KCNJ4: variants seen among roughly 807,000 people sequenced by gnomAD.
KCNJ4 encodes the protein potassium inwardly rectifying channel subfamily J member 4.
KCNJ4 carries 3 observed loss-of-function variants against 25.6 expected under a neutral mutation model. The observed-to-expected ratio is 0.12, with a 90% CI of 0.05 to 0.30. The LOEUF (loss-of-function observed/expected upper bound fraction) is 0.30. KCNJ4 is among the 10% of genes least tolerant of loss of function. The pLI is 1.00. For synonymous variants in KCNJ4, 257 were observed against 283.9 expected (o/e 0.91, Z 0.95); for missense variants, 286 against 666.8 (o/e 0.43, Z 6.29).
intron 1 of KCNJ4, among the ~76,000 whole-genome samples, chr22:38,453,987 T>C (rs196096): frequency 0.23 from 34,760 of 152,124 alleles, 5,332 homozygotes; most frequent in African/African-American, 0.44. Flanking sequence ...AGGGCCACAG[T>C]GAGGCTCTTG....
At position 38,438,613 on chromosome 22, in the gene KCNJ4, C is replaced by T. The variant is rs543296975; in HGVS notation, c.-39-10442G>A. ...CTGAGGCATGAGAATCGCTTGAATC[C>T]GGGAGGTGGAGGTTGCAATGAGCTG... On this transcript the variant is annotated intron_variant, in intron 1 of 1. Transcript: ENST00000303592. Among the ~76,000 whole-genome samples, 55 of 146,728 alleles carry T rather than the reference C, an allele frequency of 3.7e-4. No homozygotes were observed. In the East Asian group the frequency reaches 0.01, roughly 27 times the overall value.
At chr22:38,447,212 G>A (rs1186283361) in intron 1 of KCNJ4, among the ~76,000 whole-genome samples, 1 of 152,130 alleles carries the variant, frequency 6.6e-6, no homozygotes, top group African/African-American at 2.4e-5. Flanking sequence ...TGCCCCAGAG[G>A]GCAGGGCGAA....
At position 38,428,920 on chromosome 22, in the gene KCNJ4, C is replaced by G. The variant is rs555984109; in HGVS notation, c.-39-749G>C. ...GCAACAGAGTGAGACCCCATCTCTACAAAAAATAAGAAAATTAGCCAGGCA... is the reference window on the plus strand; with the variant it reads ...GCAACAGAGTGAGACCCCATCTCTAGAAAAAATAAGAAAATTAGCCAGGCA... On this transcript the variant is annotated intron_variant, in intron 1 of 1. Transcript: ENST00000303592. 4.0e-5 allele frequency among the ~76,000 whole-genome samples: 6 copies of G among 151,788 alleles called. No individual in the cohort carries two copies. The South Asian group carries it at 1.3e-3, about 32-fold the overall frequency.
chr22:38,445,299 G>C (rs937854747), intron 1 of KCNJ4, among the ~76,000 whole-genome samples: 29 of 152,060 alleles, frequency 1.9e-4, no homozygotes, highest in African/African-American at 6.3e-4. Flanking sequence ...CTGAGGGCAG[G>C]ACAGCAGCAT....
chr22:38,432,280 T>TAAATAAATAAATAAATAAATGAAATA (rs1555917613), intron 1 of KCNJ4, among the ~76,000 whole-genome samples: 1 of 147,176 alleles, frequency 6.8e-6, no homozygotes, highest in African/African-American at 2.6e-5. Context: ...AATAAATAAA[T>TAAATAAATAAATAAATAAATGAAATA]AAATAAAATA....
chr22:38,446,954 C>CAAAAAAAAAAAAAAAAA (rs11294836), intron 1 of KCNJ4, among the ~76,000 whole-genome samples: 4 of 133,900 alleles, frequency 3.0e-5, no homozygotes, highest in African/African-American at 1.1e-4. Context: ...GACTCCATCT[C>CAAAAAAAAAAAAAAAAA]AAAAAAAAAA....
At chr22:38,432,256 A>AAAATAAAGAAATAAAT (rs71326710) in intron 1 of KCNJ4, among the ~76,000 whole-genome samples, 1 of 142,664 alleles carries the variant, frequency 7.0e-6, no homozygotes, top group African/African-American at 2.9e-5. Context: ...ACTCCATCTC[A>AAAATAAAGAAATAAAT]AAATAAATAA....
intron 1 of KCNJ4, among the ~76,000 whole-genome samples, chr22:38,440,235 C>CTCTT (rs2089323371): frequency 6.6e-6 from 1 of 151,712 alleles, no homozygotes; most frequent in Non-Finnish European, 1.5e-5. Context: ...CATAGTGAAA[C>CTCTT]TCTTTCCCTA....
intron 1 of KCNJ4, among the ~76,000 whole-genome samples, chr22:38,434,994 A>T (rs1238185298): frequency 6.6e-6 from 1 of 152,214 alleles, no homozygotes; most frequent in African/African-American, 2.4e-5. Flanking sequence ...GATAATGGTG[A>T]TGACAAAGAT....
At chr22:38,450,656 C>G (rs1474765152) in intron 1 of KCNJ4, among the ~76,000 whole-genome samples, 1 of 152,214 alleles carries the variant, frequency 6.6e-6, no homozygotes, top group East Asian at 1.9e-4. Flanking sequence ...GGGACAGAGC[C>G]CTGGGCCAGG....
intron 1 of KCNJ4, among the ~76,000 whole-genome samples, chr22:38,452,163 G>A (rs1024215798): frequency 6.6e-6 from 1 of 152,204 alleles, no homozygotes; most frequent in Non-Finnish European, 1.5e-5. Flanking sequence ...GGGCCCAGGA[G>A]AGCCGCAGAA....
rs904203917 is a variant in KCNJ4, at chr22:38,454,582, G to C, written c.-40+398C>G. Among the ~76,000 whole-genome samples the C allele has an allele frequency of 2.4e-4, 37 of 152,274 alleles. 1 individual carries two copies. Among genetic ancestry groups the C allele is most frequent in the African/African-American group, 8.7e-4 (36 of 41,578 alleles). Reference sequence around the variant, plus strand: ...TTCAGATCACAGGGCCATTTGCAACGAGGATGCAGCTGGGGAGGCGGAAAG... The same window carrying C: ...TTCAGATCACAGGGCCATTTGCAACCAGGATGCAGCTGGGGAGGCGGAAAG... On this transcript the variant is annotated intron_variant, in intron 1 of 1. Transcript: ENST00000303592.
chr22:38,447,576 G>T (rs962224427), intron 1 of KCNJ4, among the ~76,000 whole-genome samples: 1 of 152,122 alleles, frequency 6.6e-6, no homozygotes, highest in East Asian at 1.9e-4. Flanking sequence ...GAGAGGGGAG[G>T]CTCCTGGGGG....
chr22:38,438,100 G>A, intron 1 of KCNJ4, among the ~76,000 whole-genome samples: 1 of 151,992 alleles, frequency 6.6e-6, no homozygotes, highest in Non-Finnish European at 1.5e-5. Flanking sequence ...TTAGCCAGGT[G>A]TGGTGGCAGG....
intron 1 of KCNJ4, among the ~76,000 whole-genome samples, chr22:38,433,781 A>G (rs1368683297): frequency 1.3e-5 from 2 of 152,150 alleles, no homozygotes; most frequent in African/African-American, 4.8e-5. Flanking sequence ...CTCACCACTG[A>G]CACCAGCCAT....
At chr22:38,453,519 C>T (rs2145951425) in intron 1 of KCNJ4, among the ~76,000 whole-genome samples, 1 of 152,304 alleles carries the variant, frequency 6.6e-6, no homozygotes, top group East Asian at 1.9e-4. Context: ...CGCCCACCTC[C>T]ACCCACTAGC....
Position 38,443,023 on chromosome 22 carries a change from C to T in KCNJ4, c.-40+11957G>A, listed in dbSNP as rs773495432. 6.6e-6 allele frequency among the ~76,000 whole-genome samples: 1 copy of T among 152,074 alleles called. No individual in the cohort carries two copies. Among genetic ancestry groups the T allele is most frequent in the East Asian group, 1.9e-4 (1 of 5,184 alleles). On this transcript the variant is annotated intron_variant, in intron 1 of 1. Coordinates refer to ENST00000303592, the MANE Select transcript of KCNJ4 (RefSeq NM_152868.3). The surrounding 1 kb of genome is among the most constrained non-coding windows in gnomAD (Gnocchi z 4.1). Reference sequence around the variant, plus strand: ...CTCTCACAGTGTTGGCATGAGCCACCGTGCCCGGCCTGCAGCCCTTCTTGA... The same window carrying T: ...CTCTCACAGTGTTGGCATGAGCCACTGTGCCCGGCCTGCAGCCCTTCTTGA...
intron 1 of KCNJ4, among the ~76,000 whole-genome samples, chr22:38,448,921 C>A (rs962553526): frequency 1.6e-4 from 24 of 152,210 alleles, no homozygotes; most frequent in African/African-American, 5.5e-4. Context: ...GGGGGCCCCC[C>A]AGGCCTAGAC....
Position 38,443,825 on chromosome 22 carries a change from C to T in KCNJ4, c.-40+11155G>A, listed in dbSNP as rs570372423. Among the ~76,000 whole-genome samples the T allele has an allele frequency of 6.6e-6, 1 of 152,308 alleles. No homozygotes were observed. The highest frequency in any genetic ancestry group is 1.9e-4 in the East Asian group (1 of 5,176). ...TCCACCCACCTCCCGCAGTCCATCT[C>T]CACATCACTCCCTGCTCAGAGCTCT... On this transcript the variant is annotated intron_variant, in intron 1 of 1. Coordinates refer to ENST00000303592, the MANE Select transcript of KCNJ4 (RefSeq NM_152868.3). This position sits in a 1 kb window ranked among gnomAD's most constrained non-coding sequence, Gnocchi z 4.1.
Sources: gnomAD v4.1 joint callset for allele counts (sites outside exome capture counted in the v4.1 genomes callset) on GRCh38, gnomAD v4.1.1 for gene constraint, Gnocchi (gnomAD v3.1) non-coding constraint, MANE v1.5 for transcripts, NCBI Gene and HGNC (gene_info 2026-07-23, HGNC 2026-07-21) for gene names.